The following WWOX variants were observed in gnomAD, a reference collection of about 807,000 sequenced individuals.
WWOX encodes the protein WW domain containing oxidoreductase.
A neutral mutation model predicts 46.2 loss-of-function variants in WWOX; 69 were observed. The observed-to-expected ratio is 1.49, with a 90% CI of 1.23 to 1.82. WWOX has a LOEUF of 1.82. Among genes scored for constraint, WWOX ranks in the 40% most tolerant of loss-of-function variants. The pLI is 0.00. For missense variants in WWOX, 919 were observed against 542.6 expected (o/e 1.69, Z -6.89); for synonymous variants, 359 against 202.6 (o/e 1.77, Z -6.56).
chr16:78,533,852 TC>T (rs1213581750), intron 8 of WWOX, among the ~76,000 whole-genome samples: 4 of 152,210 alleles, frequency 2.6e-5, no homozygotes, highest in Admixed American at 2.6e-4. Flanking sequence ...ATTGTTTGTT[TC>T]CATCTCTATC....
intron 8 of WWOX, chr16:78,691,173 G>C: frequency 1.4e-6 from 1 of 696,664 alleles, no homozygotes; most frequent in Non-Finnish European, 2.6e-6. Flanking sequence ...CAGTGTTTGT[G>C]CGATAAGAGA....
chr16:78,555,282 TC>T (rs1338234779), intron 8 of WWOX, among the ~76,000 whole-genome samples: 2 of 152,176 alleles, frequency 1.3e-5, no homozygotes, highest in Non-Finnish European at 2.9e-5. Context: ...GAAGCATTTT[TC>T]AACCAAACTG....
intron 8 of WWOX, among the ~76,000 whole-genome samples, chr16:78,969,332 C>T (rs895364252): frequency 2.6e-5 from 4 of 150,958 alleles, no homozygotes; most frequent in African/African-American, 9.8e-5. Context: ...TACAATGGTG[C>T]TATCTTGGCC....
chr16:78,894,594 C>A (rs1393527577), intron 8 of WWOX, among the ~76,000 whole-genome samples: 1 of 151,976 alleles, frequency 6.6e-6, no homozygotes, highest in African/African-American at 2.4e-5. Flanking sequence ...CTTTTTTATT[C>A]CATGAAACAA....
intron 8 of WWOX, among the ~76,000 whole-genome samples, chr16:78,982,480 T>G (rs994955087): frequency 1.3e-5 from 2 of 152,186 alleles, no homozygotes; most frequent in African/African-American, 4.8e-5. Context: ...GACAGACTTG[T>G]GTTAGTTCAT....
intron 8 of WWOX, among the ~76,000 whole-genome samples, chr16:79,078,621 T>C (rs779043006): frequency 1.3e-4 from 20 of 152,256 alleles, no homozygotes; most frequent in Non-Finnish European, 2.9e-4. Context: ...ACACAGTTCC[T>C]GGCCTTGAGT....
At chr16:79,158,914 A>G (rs978420863) in intron 8 of WWOX, among the ~76,000 whole-genome samples, 1 of 152,208 alleles carries the variant, frequency 6.6e-6, no homozygotes, top group Non-Finnish European at 1.5e-5. Context: ...AGTTCCTACA[A>G]CAGTGCCCAG....
At chr16:78,883,560 C>A (rs1423705031) in intron 8 of WWOX, among the ~76,000 whole-genome samples, 1 of 151,982 alleles carries the variant, frequency 6.6e-6, no homozygotes, top group Non-Finnish European at 1.5e-5. Context: ...CCCATCTCTA[C>A]TAAAAATACA....
At chr16:78,789,120 G>C (rs980403685) in intron 8 of WWOX, among the ~76,000 whole-genome samples, 1 of 152,018 alleles carries the variant, frequency 6.6e-6, no homozygotes, top group Non-Finnish European at 1.5e-5. Context: ...GGTCATGAAC[G>C]TTTACCTCTG....
At chr16:78,414,805 C>T (rs899654597) in intron 6 of WWOX, among the ~76,000 whole-genome samples, 10 of 152,078 alleles carry the variant, frequency 6.6e-5, no homozygotes, top group African/African-American at 1.9e-4. Context: ...AAACTATAAA[C>T]GAAATTTCTC....
chr16:78,602,893 C>A (rs1005472245), intron 8 of WWOX, among the ~76,000 whole-genome samples: 3 of 152,128 alleles, frequency 2.0e-5, no homozygotes, highest in Non-Finnish European at 2.9e-5. Context: ...AGACTTGAAT[C>A]TCCGCTCTGT....
Position 78,815,183 on chromosome 16 carries a change from G to C in WWOX, c.1056+382431G>C, listed in dbSNP as rs139638677. Among the ~76,000 whole-genome samples, 38 of 152,216 alleles carry C rather than the reference G, an allele frequency of 2.5e-4. No homozygotes were observed. The East Asian group carries it at 6.8e-3, about 27-fold the overall frequency. On this transcript the variant is annotated intron_variant, in intron 8 of 8. Transcript: ENST00000566780. ...CTACTAAAAATACAAAAATTAACCA[G>C]GCATGGTGGCACACACCTGTAATCC...
intron 8 of WWOX, among the ~76,000 whole-genome samples, chr16:78,968,545 T>C (rs1475065789): frequency 6.6e-6 from 1 of 152,230 alleles, no homozygotes; most frequent in Admixed American, 6.5e-5. Flanking sequence ...ATGACTGTTA[T>C]AAGTTGGTTT....
intron 8 of WWOX, among the ~76,000 whole-genome samples, chr16:78,947,517 G>T (rs1014065654): frequency 6.6e-6 from 1 of 152,188 alleles, no homozygotes; most frequent in Non-Finnish European, 1.5e-5. Context: ...AGAGTCGGCT[G>T]GGAGCCTTTC....
chr16:78,551,636 A>C (rs2044174741), intron 8 of WWOX: 1 of 152,228 alleles, frequency 6.6e-6, no homozygotes, highest in Non-Finnish European at 1.5e-5. Flanking sequence ...CAGGCACCTG[A>C]TGCCACTGCC....
chr16:78,834,874 A>G (rs2051934260), intron 8 of WWOX, among the ~76,000 whole-genome samples: 1 of 152,166 alleles, frequency 6.6e-6, no homozygotes, highest in Non-Finnish European at 1.5e-5. Flanking sequence ...CATTATTATG[A>G]TAATGACTGT....
chr16:78,634,686 A>T (rs1474656508), intron 8 of WWOX, among the ~76,000 whole-genome samples: 1 of 148,812 alleles, frequency 6.7e-6, no homozygotes, highest in African/African-American at 2.5e-5. Flanking sequence ...AGCCTGGGTG[A>T]CAGAGCAAGA....
Position 79,056,422 on chromosome 16 carries a change from C to T in WWOX, c.1057-155186C>T, listed in dbSNP as rs1005402393. On this transcript the variant is annotated intron_variant, in intron 8 of 8. Coordinates refer to ENST00000566780, the MANE Select transcript of WWOX (RefSeq NM_016373.4). ...TCGTGAATGAGGCCTGTGCCTTGTC[C>T]TGTGGTTTAAGGATAGGTAAATGTA... 3.3e-5 allele frequency among the ~76,000 whole-genome samples: 5 copies of T among 152,302 alleles called. No homozygotes were observed. The East Asian group carries it at 9.6e-4, about 29-fold the overall frequency.
At chr16:78,166,710 C>T (rs939597023) in intron 5 of WWOX, 1 of 152,184 alleles carries the variant, frequency 6.6e-6, no homozygotes, top group African/African-American at 2.4e-5. Context: ...AGGCACGCGT[C>T]ACCATGCCCA....
Sources: gnomAD v4.1 joint callset for allele counts (sites outside exome capture counted in the v4.1 genomes callset) on GRCh38, gnomAD v4.1.1 for gene constraint, MANE v1.5 for transcripts, NCBI Gene and HGNC (gene_info 2026-07-23, HGNC 2026-07-21) for gene names.